Variants in GAS7 observed in about 807,000 individuals in gnomAD.
GAS7 encodes growth arrest specific 7.
Under a neutral mutation model 71.1 loss-of-function variants are expected in GAS7, and 28 were observed. The observed-to-expected ratio is 0.39, with a 90% CI of 0.29 to 0.54. The LOEUF is 0.54. Among genes scored for constraint, GAS7 ranks in the 20% least tolerant of loss-of-function variants. The pLI is 0.62. For missense variants in GAS7, 436 were observed against 627.8 expected, an observed-to-expected ratio of 0.69 and a Z score of 3.27; for synonymous variants, 258 against 245.8, an observed-to-expected ratio of 1.05 and a Z score of -0.46.
intron 4 of GAS7, among the ~76,000 whole-genome samples, chr17:9,964,641 C>T (rs2069633325): frequency 6.6e-6 from 1 of 152,182 alleles, no homozygotes; most frequent in South Asian, 2.1e-4. Context: ...GGTATCTTTT[C>T]TTAAGGTACC....
intron 1 of GAS7, among the ~76,000 whole-genome samples, chr17:10,098,366 T>C (rs1026638324): frequency 1.3e-5 from 2 of 152,222 alleles, no homozygotes; most frequent in African/African-American, 4.8e-5. Flanking sequence ...GGCTGCCCAC[T>C]GCTGTCTTCC....
At chr17:10,044,767 G>A (rs1355313917) in intron 1 of GAS7, among the ~76,000 whole-genome samples, 1 of 152,116 alleles carries the variant, frequency 6.6e-6, no homozygotes, top group African/African-American at 2.4e-5. Context: ...GTAGTTAAGA[G>A]TGTCCGGCCA....
intron 4 of GAS7, among the ~76,000 whole-genome samples, chr17:9,961,772 C>T (rs868436235): frequency 3.9e-5 from 6 of 152,176 alleles, no homozygotes; most frequent in Non-Finnish European, 7.3e-5. Flanking sequence ...TTGGGGCTTG[C>T]AGAAGTAAAA....
In GAS7 at chr17:9,919,799, C is replaced by G. The variant is rs2067729208; in HGVS notation, c.1139-94G>C. The G allele has an allele frequency of 9.7e-6, 9 of 926,672 alleles. No homozygotes were observed. In the East Asian group the frequency reaches 2.1e-4, roughly 22 times the overall value. The allele number at this position is 926,672 out of a possible 1,614,324, so 57.4% of individuals were successfully genotyped here. On this transcript the variant is annotated intron_variant, in intron 11 of 13. Transcript: ENST00000432992. This position sits in a 1 kb window ranked among gnomAD's most constrained non-coding sequence, Gnocchi z 5.0. ...GCCCCACAGCCAAGCCTTCTCCTCC[C>G]CCTGGGGTCATGGTGGCCGCTGGAA...
At position 9,916,313 on chromosome 17, in the gene GAS7, C is replaced by T. The variant is rs78005128; in HGVS notation, c.*915G>A. On this transcript the variant is annotated 3_prime_UTR_variant, in exon 14 of 14. Transcript: ENST00000432992. ...GGCAGCCCAAAGGTGCACAGGGCACCGTGGCGGACAGGCCCCAGCTTGCTG... is the reference window on the plus strand; with the variant it reads ...GGCAGCCCAAAGGTGCACAGGGCACTGTGGCGGACAGGCCCCAGCTTGCTG... 3,134 of 233,268 alleles carry T rather than the reference C, an allele frequency of 0.013. 33 individuals are homozygous for T. Among genetic ancestry groups the T allele is most frequent in the Non-Finnish European group, 0.02 (2,324 of 118,058 alleles). The allele number at this position is 233,268 out of a possible 1,614,324, so 14.4% of individuals were successfully genotyped here.
intron 1 of GAS7, among the ~76,000 whole-genome samples, chr17:10,052,480 C>T (rs2073075893): frequency 6.6e-6 from 1 of 152,198 alleles, no homozygotes; most frequent in Admixed American, 6.5e-5. Context: ...AGCAAAGAGC[C>T]GTGACCAGCA....
intron 1 of GAS7, among the ~76,000 whole-genome samples, chr17:10,143,016 CAAA>C (rs58006119): frequency 1.5e-4 from 21 of 140,264 alleles, no homozygotes; most frequent in Admixed American, 1.4e-4. Flanking sequence ...ACTAAAAATA[CAAA>C]AAAAAAAAAA....
chr17:9,957,060 T>C (rs1239821786), intron 5 of GAS7, among the ~76,000 whole-genome samples: 2 of 152,198 alleles, frequency 1.3e-5, no homozygotes, highest in Non-Finnish European at 2.9e-5. Context: ...GTTCAAGTCC[T>C]GGGCTCTGCT....
chr17:9,935,022 A>G (rs1454390540), intron 8 of GAS7, among the ~76,000 whole-genome samples: 1 of 152,240 alleles, frequency 6.6e-6, no homozygotes, highest in African/African-American at 2.4e-5. Flanking sequence ...TACTGGGATT[A>G]CAGGCATAAG....
Position 10,198,288 on chromosome 17 carries a change from G to T in GAS7, c.103C>A (p.Pro35Thr). The change falls in exon 1 of 14, where the codon CCG becomes ACG. Residue 35 changes from proline to threonine, a missense_variant. Physicochemically the swap from Pro to Thr is conservative, Grantham distance 38. Transcript: ENST00000432992. Reference protein sequence around the residue: ...AGELITLLQVPDGGWWEGEKE... With the variant: ...AGELITLLQVTDGGWWEGEKE... ...TCGCCTTCCCACCAGCCGCCGTCCGGGACCTGCAGCAGCGTGATCAGCTCG... is the reference window on the plus strand; with the variant it reads ...TCGCCTTCCCACCAGCCGCCGTCCGTGACCTGCAGCAGCGTGATCAGCTCG... 1.9e-6 allele frequency: 3 copies of T among 1,605,234 alleles called. No homozygotes were observed. The highest frequency in any genetic ancestry group is 2.5e-6 in the Non-Finnish European group (3 of 1,179,488).
chr17:9,962,798 A>G (rs1236535014), intron 4 of GAS7, among the ~76,000 whole-genome samples: 1 of 152,212 alleles, frequency 6.6e-6, no homozygotes, highest in Non-Finnish European at 1.5e-5. Flanking sequence ...ACCCCTGCAA[A>G]GGAGAAATCT....
chr17:9,996,353 T>C lies in GAS7; in HGVS notation c.305-14469A>G, dbSNP rs369916572. Among the ~76,000 whole-genome samples the C allele has an allele frequency of 2.2e-3, 307 of 139,528 alleles. 1 individual carries two copies. The highest frequency in any genetic ancestry group is 7.7e-3 in the African/African-American group (285 of 37,040). 91.5% of individuals were successfully genotyped at this position (139,528 alleles called of 152,430 possible). A position where few individuals can be genotyped will look rare whatever the true frequency, so the allele number is the denominator to read the frequency against. On this transcript the variant is annotated intron_variant, in intron 2 of 13. Transcript: ENST00000432992. Reference sequence around the variant, plus strand: ...ACCAAACACCACATGTTCTCACTCATAGGTGGGAATTGAACAATGAGAACA... The same window carrying C: ...ACCAAACACCACATGTTCTCACTCACAGGTGGGAATTGAACAATGAGAACA...
intron 1 of GAS7, among the ~76,000 whole-genome samples, chr17:10,127,988 G>A (rs1281731043): frequency 6.6e-6 from 1 of 152,158 alleles, no homozygotes; most frequent in African/African-American, 2.4e-5. Context: ...CTGCTCTCAG[G>A]CGTTCAGCTT....
rs564742322 is a variant in GAS7 at position 9,948,916 on chromosome 17, C to A, written c.526-1933G>T. Among the ~76,000 whole-genome samples the A allele has an allele frequency of 7.9e-5, 12 of 152,308 alleles. No homozygotes were observed. The East Asian group carries it at 1.5e-3, about 20-fold the overall frequency. On this transcript the variant is annotated intron_variant, in intron 5 of 13. Transcript: ENST00000432992. ...AGGCCTGAGCCTTATAAGTCTTTAA[C>A]CCCTTCTTGCAGCCCAAGCACCTGC...
intron 1 of GAS7, among the ~76,000 whole-genome samples, chr17:10,165,279 G>A (rs1465182600): frequency 3.9e-5 from 5 of 127,834 alleles, no homozygotes; most frequent in African/African-American, 6.2e-5. Flanking sequence ...GCGACAGAGC[G>A]AGATTCCTTC....
At chr17:9,994,344 T>C (rs1307408930) in intron 2 of GAS7, among the ~76,000 whole-genome samples, 1 of 147,342 alleles carries the variant, frequency 6.8e-6, no homozygotes, top group Non-Finnish European at 1.5e-5. Flanking sequence ...TATAGATCAA[T>C]GGAACAGAAC....
chr17:10,183,338 T>C (rs1200523579), intron 1 of GAS7, among the ~76,000 whole-genome samples: 1 of 152,110 alleles, frequency 6.6e-6, no homozygotes, highest in Non-Finnish European at 1.5e-5. Flanking sequence ...AGAGAGGCCC[T>C]TGGAAAAGGG....
At chr17:10,097,771 C>T (rs766539662) in intron 1 of GAS7, among the ~76,000 whole-genome samples, 4 of 152,082 alleles carry the variant, frequency 2.6e-5, no homozygotes, top group African/African-American at 4.8e-5. Flanking sequence ...GGGCCAGGCA[C>T]GGTGGCTCAC....
At chr17:10,029,713 G>A (rs1439951104) in intron 1 of GAS7, among the ~76,000 whole-genome samples, 1 of 152,012 alleles carries the variant, frequency 6.6e-6, no homozygotes, top group Non-Finnish European at 1.5e-5. Context: ...TTAGCCAGAC[G>A]TGGTGGTGCA....
Sources: gnomAD v4.1 joint callset for allele counts (sites outside exome capture counted in the v4.1 genomes callset) on GRCh38, gnomAD v4.1.1 for gene constraint, Gnocchi (gnomAD v3.1) non-coding constraint, MANE v1.5 for transcripts, NCBI Gene and HGNC (gene_info 2026-07-23, HGNC 2026-07-21) for gene names.